RYR3: variants seen among roughly 807,000 people sequenced by gnomAD.
The protein encoded by RYR3 is brain ryanodine receptor-calcium release channel.
RYR3 carries 207 observed loss-of-function variants against 584.3 expected under a neutral mutation model. The observed-to-expected ratio is 0.35, with a 90% confidence interval of 0.32 to 0.40. The LOEUF is 0.40. Among genes scored for constraint, RYR3 ranks in the 10% least tolerant of loss-of-function variants. RYR3 has a pLI of 1.00. For synonymous variants in RYR3, 2,416 were observed against 2,248.5 expected (o/e 1.07, Z -2.11); for missense variants, 5,616 against 6,089.2 (o/e 0.92, Z 2.59).
Position 33,569,158 on chromosome 15 carries a change from G to A in RYR3, c.1268+2359G>A, listed in dbSNP as rs111400066. Among the ~76,000 whole-genome samples, 601 of 152,216 alleles carry A rather than the reference G, an allele frequency of 3.9e-3. 4 individuals carry two copies. The highest frequency in any genetic ancestry group is 0.014 in the African/African-American group (572 of 41,520). Reference sequence around the variant, plus strand: ...TGATTACTAAGAACAATGTTTCTATGGATATTAGTGTAAAAGTTTTCAGAT... The same window carrying A: ...TGATTACTAAGAACAATGTTTCTATAGATATTAGTGTAAAAGTTTTCAGAT... On this transcript the variant is annotated intron_variant, in intron 12 of 103. Transcript: ENST00000634891.
chr15:33,668,202 A>T (rs993712866), intron 36 of RYR3, among the ~76,000 whole-genome samples: 1 of 151,330 alleles, frequency 6.6e-6, no homozygotes, highest in Non-Finnish European at 1.5e-5. Context: ...CTGTGGTCCC[A>T]GCTACTCGGG....
At chr15:33,347,674 C>T (rs1446137853) in intron 1 of RYR3, among the ~76,000 whole-genome samples, 2 of 152,118 alleles carry the variant, frequency 1.3e-5, no homozygotes, top group East Asian at 1.9e-4. Flanking sequence ...GTCTTGATCT[C>T]CTGACCTCGT....
intron 19 of RYR3, among the ~76,000 whole-genome samples, chr15:33,620,706 G>A (rs1264585160): frequency 6.6e-6 from 1 of 152,178 alleles, no homozygotes; most frequent in African/African-American, 2.4e-5. Context: ...GGCAAGTTAC[G>A]AAGGGGACCT....
intron 16 of RYR3, among the ~76,000 whole-genome samples, chr15:33,588,401 A>G (rs1321202707): frequency 6.6e-6 from 1 of 152,202 alleles, no homozygotes; most frequent in African/African-American, 2.4e-5. Context: ...TTAGTTTTAT[A>G]ATTATCTAAA....
In RYR3 at chr15:33,826,263, G is replaced by A. The variant is rs1197719632; in HGVS notation, c.11158G>A (p.Glu3720Lys). The A allele has an allele frequency of 6.2e-7, 1 of 1,613,618 alleles. No individual in the cohort carries two copies. Among genetic ancestry groups the A allele is most frequent in the Non-Finnish European group, 8.5e-7 (1 of 1,179,744 alleles). Reference protein sequence around the residue: ...VTEEGTLIVRERGEKVLQNDE... With the variant: ...VTEEGTLIVRKRGEKVLQNDE... ...TCTCTCATTACCAGTCATTGTTCGG[G>A]AACGTGGTAAGTTTCAGTTTCTGGC... The change falls in exon 83 of 104, where the codon GAA becomes AAA. Residue 3720 changes from glutamate to lysine, a missense_variant. By Grantham distance (56) the Glu-to-Lys change is moderately conservative. Coordinates refer to ENST00000634891, the MANE Select transcript of RYR3 (RefSeq NM_001036.6).
rs117378111 is a variant in RYR3, at chr15:33,450,498, C to A, written c.52-22921C>A. Among the ~76,000 whole-genome samples the A allele has an allele frequency of 2.2e-4, 34 of 152,176 alleles. No homozygotes were observed. The East Asian group carries it at 6.0e-3, about 27-fold the overall frequency. ...TTCTCCACACAGCAGTTTACAGAGC[C>A]CGAGGTGCTGAGACAAAACTGTTTG... On this transcript the variant is annotated intron_variant, in intron 1 of 103. Coordinates refer to ENST00000634891, the MANE Select transcript of RYR3 (RefSeq NM_001036.6).
intron 10 of RYR3, among the ~76,000 whole-genome samples, chr15:33,554,447 C>T (rs906557758): frequency 1.3e-5 from 2 of 152,082 alleles, no homozygotes; most frequent in African/African-American, 4.8e-5. Flanking sequence ...AGGCACCCAC[C>T]ACCACACCGG....
intron 24 of RYR3, 36 bp from the exon 25 acceptor site, chr15:33,634,550 G>A: frequency 6.2e-7 from 1 of 1,612,300 alleles, no homozygotes; most frequent in Non-Finnish European, 8.5e-7. Flanking sequence ...AAGGTGAAAT[G>A]TTTTCTTGGC....
chr15:33,861,480 C>CTTT (rs34330524), intron 102 of RYR3, among the ~76,000 whole-genome samples: 1 of 148,056 alleles, frequency 6.8e-6, no homozygotes, highest in Non-Finnish European at 1.5e-5. Context: ...TATAAATATG[C>CTTT]TTTTTTTTTT....
chr15:33,476,357 T>C (rs1263761894), intron 2 of RYR3, among the ~76,000 whole-genome samples: 1 of 152,244 alleles, frequency 6.6e-6, no homozygotes, highest in Non-Finnish European at 1.5e-5. Flanking sequence ...GTGATTGTTC[T>C]TATTTTAATT....
intron 1 of RYR3, among the ~76,000 whole-genome samples, chr15:33,425,819 T>G (rs1237400217): frequency 2.6e-5 from 4 of 151,868 alleles, no homozygotes; most frequent in Non-Finnish European, 5.9e-5. Flanking sequence ...TTTTTTTGTA[T>G]TTTTAGTAGA....
At chr15:33,729,499 C>G (rs540810346) in intron 47 of RYR3, among the ~76,000 whole-genome samples, 1 of 152,170 alleles carries the variant, frequency 6.6e-6, no homozygotes, top group Non-Finnish European at 1.5e-5. Flanking sequence ...ACTCTTCACA[C>G]TCTCGCTTCT....
intron 13 of RYR3, 137 bp from the exon 14 acceptor site, chr15:33,581,371 A>G (rs768054407): frequency 5.8e-6 from 5 of 857,330 alleles, no homozygotes; most frequent in Non-Finnish European, 9.0e-6. Flanking sequence ...AAACAAACCC[A>G]ACTGGCACCA....
At chr15:33,507,055 C>G (rs1316297154) in intron 3 of RYR3, among the ~76,000 whole-genome samples, 1 of 152,142 alleles carries the variant, frequency 6.6e-6, no homozygotes, top group African/African-American at 2.4e-5. Flanking sequence ...TGACTGCCAC[C>G]AAATGGGAGG....
chr15:33,383,504 G>A (rs958662316), intron 1 of RYR3, among the ~76,000 whole-genome samples: 3 of 151,748 alleles, frequency 2.0e-5, no homozygotes, highest in Non-Finnish European at 2.9e-5. Context: ...CAATACCTGA[G>A]TCTTACCTTT....
intron 58 of RYR3, 114 bp from the exon 59 acceptor site, chr15:33,756,191 GA>G (rs1484624011): frequency 1.2e-5 from 9 of 740,642 alleles, no homozygotes; most frequent in Non-Finnish European, 2.2e-5. Flanking sequence ...TATATTTTGT[GA>G]AATCAGATAG....
At chr15:33,687,518 C>T (rs1460805890) in intron 38 of RYR3, among the ~76,000 whole-genome samples, 1 of 152,188 alleles carries the variant, frequency 6.6e-6, no homozygotes, top group Non-Finnish European at 1.5e-5. Context: ...GATGCCATCC[C>T]CATCAAGCTA....
intron 3 of RYR3, among the ~76,000 whole-genome samples, chr15:33,504,340 C>CA (rs974467328): frequency 6.6e-6 from 1 of 152,164 alleles, no homozygotes; most frequent in African/African-American, 2.4e-5. Context: ...CCAGATATTT[C>CA]AAAATAATTT....
rs368172785 is a variant in RYR3 at position 33,570,958 on chromosome 15, G to T, written c.1268+4159G>T. Among the ~76,000 whole-genome samples the T allele has an allele frequency of 2.8e-3, 422 of 152,210 alleles. 1 individual carries two copies. The highest frequency in any genetic ancestry group is 9.8e-3 in the African/African-American group (408 of 41,548). On this transcript the variant is annotated intron_variant, in intron 12 of 103. Coordinates refer to ENST00000634891, the MANE Select transcript of RYR3 (RefSeq NM_001036.6). ...TATTTATTAGTTCAGTGGGCTTTTT[G>T]GGGAGCAGGTGGATTCTTTAGAACT...
Sources: allele counts gnomAD v4.1 joint callset (sites outside exome capture counted in the v4.1 genomes callset), GRCh38; gene constraint gnomAD v4.1.1; transcripts MANE v1.5; gene names NCBI Gene and HGNC (gene_info 2026-07-23, HGNC 2026-07-21).